The following WAC variants were observed in gnomAD, a reference collection of about 807,000 sequenced individuals.
The protein encoded by WAC is WW domain-containing adapter protein with coiled-coil.
In WAC, 11 loss-of-function variants were observed where a neutral mutation model predicts 79.6. The observed-to-expected ratio is 0.14, with a 90% CI of 0.09 to 0.23. The LOEUF is 0.23. Among genes scored for constraint, WAC ranks in the 10% least tolerant of loss-of-function variants. The probability of loss-of-function intolerance (pLI) is 1.00; values close to 1 mark genes in which losing one functional copy is unlikely to be tolerated. For synonymous variants in WAC, 304 were observed against 276.9 expected, an observed-to-expected ratio of 1.10 and a Z score of -0.97; for missense variants, 728 against 773.5, an observed-to-expected ratio of 0.94 and a Z score of 0.70.
At position 28,555,438 on chromosome 10, in the gene WAC, T is replaced by G. The variant is rs200927872; in HGVS notation, c.274+19681T>G. On this transcript the variant is annotated intron_variant, in intron 3 of 13. Transcript: ENST00000354911. ...CTTGTTTAAAGCACAGTAAGGAAGA[T>G]TTTTTTTTTCTGGGACTATTGCAGT... Among the ~76,000 whole-genome samples the G allele has an allele frequency of 6.9e-3, 30 of 4,340 alleles. No homozygotes were observed. The South Asian group carries it at 0.24, about 34-fold the overall frequency. 2.8% of individuals were successfully genotyped at this position (4,340 alleles called of 152,430 possible).
At chr10:28,612,088 G>A (rs1430570249) in intron 10 of WAC, among the ~76,000 whole-genome samples, 166 bp downstream of exon 10, 2 of 152,202 alleles carry the variant, frequency 1.3e-5, no homozygotes, top group South Asian at 2.1e-4. Context: ...AGTTCACTGA[G>A]GGATAGAGGG....
intron 3 of WAC, among the ~76,000 whole-genome samples, chr10:28,549,679 T>A (rs1279909924): frequency 6.6e-6 from 1 of 152,182 alleles, no homozygotes; most frequent in Admixed American, 6.5e-5. Context: ...TTTATAGGTC[T>A]TAATTATGTT....
Position 28,570,228 on chromosome 10 carries a change from A to C in WAC, c.275-13171A>C, listed in dbSNP as rs557400992. On this transcript the variant is annotated intron_variant, in intron 3 of 13. Transcript: ENST00000354911. ...CAATTTATTTTATTTTGTACAGATA[A>C]TAGAGTGGAGGCTAGAGTAATTTTA... Among the ~76,000 whole-genome samples, 4 of 152,348 alleles carry C rather than the reference A, an allele frequency of 2.6e-5. No individual in the cohort carries two copies. The South Asian group carries it at 8.3e-4, about 32-fold the overall frequency.
rs570072775 is a variant in WAC, at chr10:28,559,102, C to T, written c.274+23345C>T. Reference sequence around the variant, plus strand: ...CAAGTACTGTGGGTATGGTAGACAACAGATTAGTTAAATCTCTGCTCTCGA... The same window carrying T: ...CAAGTACTGTGGGTATGGTAGACAATAGATTAGTTAAATCTCTGCTCTCGA... On this transcript the variant is annotated intron_variant, in intron 3 of 13. Coordinates refer to ENST00000354911, the MANE Select transcript of WAC (RefSeq NM_016628.5). 1.3e-3 allele frequency among the ~76,000 whole-genome samples: 188 copies of T among 149,040 alleles called. 1 individual carries two copies. The highest frequency in any genetic ancestry group is 2.0e-3 in the Non-Finnish European group (135 of 67,614).
intron 7 of WAC, among the ~76,000 whole-genome samples, chr10:28,601,623 A>G (rs1338825631): frequency 6.6e-6 from 1 of 152,186 alleles, no homozygotes; most frequent in African/African-American, 2.4e-5. Context: ...CTAGTAATTC[A>G]CAACAGACAA....
intron 7 of WAC, among the ~76,000 whole-genome samples, chr10:28,596,925 C>G (rs767328967): frequency 1.3e-5 from 2 of 152,104 alleles, no homozygotes; most frequent in Non-Finnish European, 2.9e-5. Context: ...TCTCCTTGAA[C>G]TACAGTGTGA....
chr10:28,589,203 T>A (rs1322963316), intron 4 of WAC: 1 of 152,334 alleles, frequency 6.6e-6, no homozygotes, highest in East Asian at 1.9e-4. Flanking sequence ...TTGATCCATC[T>A]TGTTGATTTT....
At chr10:28,580,467 G>C (rs988107916) in intron 3 of WAC, among the ~76,000 whole-genome samples, 2 of 152,104 alleles carry the variant, frequency 1.3e-5, no homozygotes, top group Non-Finnish European at 2.9e-5. Flanking sequence ...TTTTAATGTG[G>C]CACTTTCATT....
Position 28,601,680 on chromosome 10 carries a change from C to T in WAC, c.919+5639C>T, listed in dbSNP as rs111296102. Among the ~76,000 whole-genome samples the T allele has an allele frequency of 3.7e-4, 57 of 152,178 alleles. No individual in the cohort carries two copies. In the East Asian group the frequency reaches 6.8e-3, roughly 18 times the overall value. On this transcript the variant is annotated intron_variant, in intron 7 of 13. Coordinates refer to ENST00000354911, the MANE Select transcript of WAC (RefSeq NM_016628.5). Reference sequence around the variant, plus strand: ...GTGTTCATTAGCAGATGAAAGGATACGACGTGATACATAGACTAACAATAC... The same window carrying T: ...GTGTTCATTAGCAGATGAAAGGATATGACGTGATACATAGACTAACAATAC...
At chr10:28,591,194 C>T (rs1050806653) in intron 6 of WAC, 10 of 214,642 alleles carry the variant, frequency 4.7e-5, no homozygotes, top group Non-Finnish European at 9.3e-5. Flanking sequence ...CAAATCTCAC[C>T]GGCTTTTAGT....
intron 3 of WAC, 26 bp downstream of exon 3, chr10:28,535,783 T>C (rs989501861): frequency 8.2e-6 from 13 of 1,577,758 alleles, no homozygotes; most frequent in African/African-American, 1.4e-5. Flanking sequence ...GTTGAAACTT[T>C]GACATACAGT....
At chr10:28,601,929 T>A (rs536801243) in intron 7 of WAC, among the ~76,000 whole-genome samples, 1 of 152,182 alleles carries the variant, frequency 6.6e-6, no homozygotes, top group Admixed American at 6.5e-5. Context: ...AGTTTCTGTT[T>A]GGGAAGATGA....
intron 3 of WAC, among the ~76,000 whole-genome samples, chr10:28,546,288 G>A (rs1038320968): frequency 4.6e-5 from 7 of 152,188 alleles, no homozygotes; most frequent in Non-Finnish European, 1.0e-4. Context: ...GATGAAGAGA[G>A]GATCATGATG....
chr10:28,553,015 A>G (rs1837774131), intron 3 of WAC, among the ~76,000 whole-genome samples: 1 of 152,024 alleles, frequency 6.6e-6, no homozygotes, highest in Non-Finnish European at 1.5e-5. Flanking sequence ...CTGCCAGCTC[A>G]TGGTAACTTT....
intron 8 of WAC, among the ~76,000 whole-genome samples, chr10:28,610,471 ACT>A (rs771247416): frequency 4.4e-4 from 66 of 150,778 alleles, no homozygotes; most frequent in Admixed American, 2.7e-3. Context: ...TGTAAAAGAA[ACT>A]CTGTTGGTTT....
At chr10:28,606,586 C>T (rs1208233536) in intron 7 of WAC, among the ~76,000 whole-genome samples, 1 of 152,172 alleles carries the variant, frequency 6.6e-6, no homozygotes, top group Non-Finnish European at 1.5e-5. Context: ...GCTATTATCC[C>T]TAGTTCTTTC....
rs959620608 is a variant in WAC at position 28,538,119 on chromosome 10, A to T, written c.274+2362A>T. ...ACATCTTTGATATTCTCTCTTCAAA[A>T]AACGTAAAATGGTGATTTTTCCTCA... On this transcript the variant is annotated intron_variant, in intron 3 of 13. Transcript: ENST00000354911. The T allele has an allele frequency of 6.2e-3, 980 of 157,676 alleles. 5 individuals carry two copies. The highest frequency in any genetic ancestry group is 0.011 in the Non-Finnish European group (762 of 70,216). 9.8% of individuals were successfully genotyped at this position (157,676 alleles called of 1,614,324 possible).
intron 3 of WAC, among the ~76,000 whole-genome samples, chr10:28,544,079 T>C (rs550926411): frequency 6.6e-6 from 1 of 152,268 alleles, no homozygotes; most frequent in South Asian, 2.1e-4. Context: ...GACAGGGTTT[T>C]GTCATGTTGG....
intron 7 of WAC, among the ~76,000 whole-genome samples, chr10:28,601,507 C>G (rs775834522): frequency 6.6e-6 from 1 of 152,072 alleles, no homozygotes; most frequent in African/African-American, 2.4e-5. Flanking sequence ...TTCGGCAGTT[C>G]TTCAGAAAGT....
Sources: gnomAD v4.1 joint callset for allele counts (sites outside exome capture counted in the v4.1 genomes callset) on GRCh38, gnomAD v4.1.1 for gene constraint, MANE v1.5 for transcripts, NCBI Gene and HGNC (gene_info 2026-07-23, HGNC 2026-07-21) for gene names.